Variants in BBX observed in about 807,000 individuals in gnomAD.
The protein encoded by BBX is HMG box transcription factor BBX.
BBX carries 30 observed loss-of-function variants against 100.2 expected under a neutral mutation model. The ratio of observed to expected loss-of-function variants is 0.30; its 90% CI spans 0.22 to 0.41. The LOEUF is 0.41. BBX is among the 10% of genes least tolerant of loss of function. The pLI is 1.00. For missense variants in BBX, 1,023 were observed against 1,129.8 expected (o/e 0.91, Z 1.35); for synonymous variants, 376 against 388.1 (o/e 0.97, Z 0.37).
intron 3 of BBX, among the ~76,000 whole-genome samples, chr3:107,709,490 A>C (rs1047641363): frequency 2.0e-5 from 3 of 152,240 alleles, no homozygotes; most frequent in African/African-American, 7.2e-5. Flanking sequence ...TAATTTTAGC[A>C]ACTGTACTTG....
chr3:107,721,639 G>C (rs1337018641), intron 5 of BBX, among the ~76,000 whole-genome samples: 1 of 151,980 alleles, frequency 6.6e-6, no homozygotes, highest in Non-Finnish European at 1.5e-5. Context: ...GAAATATTCA[G>C]ATGTTTGCTT....
chr3:107,670,977 A>G (rs1371391375), intron 3 of BBX, among the ~76,000 whole-genome samples: 5 of 151,998 alleles, frequency 3.3e-5, no homozygotes, highest in Admixed American at 3.3e-4. Flanking sequence ...TGGCTAGTTG[A>G]GGAATGTCTG....
At chr3:107,750,599 G>A (rs973541276) in intron 9 of BBX, among the ~76,000 whole-genome samples, 8 of 152,012 alleles carry the variant, frequency 5.3e-5, no homozygotes, top group Non-Finnish European at 8.8e-5. Context: ...AACCTCTCTC[G>A]TCACTTTCCT....
rs995039018 is a variant in BBX, at chr3:107,796,844, A to G, written c.2354-1679A>G. ...ATTAATCCACCATTGAGGTAGATCT[A>G]TTTGACCTGGGAATAGATCTGCAAT... On this transcript the variant is annotated intron_variant, in intron 15 of 17. Transcript: ENST00000325805. 6.6e-5 allele frequency among the ~76,000 whole-genome samples: 10 copies of G among 152,172 alleles called. No individual in the cohort carries two copies. The East Asian group carries it at 9.6e-4, about 15-fold the overall frequency.
intron 2 of BBX, among the ~76,000 whole-genome samples, chr3:107,628,279 G>T (rs936847521): frequency 6.6e-6 from 1 of 151,848 alleles, no homozygotes; most frequent in South Asian, 2.1e-4. Context: ...GAGTAGAATT[G>T]CTAATAAGTA....
intron 3 of BBX, among the ~76,000 whole-genome samples, chr3:107,709,036 G>A (rs1276492924): frequency 2.0e-5 from 3 of 152,050 alleles, no homozygotes; most frequent in East Asian, 1.9e-4. Context: ...TCCAGAAATA[G>A]GCTCATATAC....
chr3:107,716,515 GA>G (rs2062118798), intron 4 of BBX, 91 bp from the exon 5 acceptor site: 1 of 1,483,112 alleles, frequency 6.7e-7, no homozygotes, highest in African/African-American at 1.4e-5. Context: ...ATGGAGCTAA[GA>G]AAAAAATACA....
In BBX at chr3:107,732,946, A is replaced by C. The variant is rs767894559; in HGVS notation, c.602-10A>C. ...CTTATAAGTTGGTGATTTGTTTTTG[A>C]CTTATTTAGATCCTACTCAAATGGG... is the stretch of plus-strand genomic sequence containing the variant. On this transcript the variant is annotated splice_polypyrimidine_tract_variant and intron_variant, in intron 6 of 17. Coordinates refer to ENST00000325805, the MANE Select transcript of BBX (RefSeq NM_001142568.3). The C allele has an allele frequency of 9.9e-6, 16 of 1,610,958 alleles. No individual in the cohort carries two copies. The South Asian group carries it at 1.7e-4, about 17-fold the overall frequency.
At chr3:107,681,454 A>G (rs1248781143) in intron 3 of BBX, among the ~76,000 whole-genome samples, 2 of 152,120 alleles carry the variant, frequency 1.3e-5, no homozygotes, top group East Asian at 3.9e-4. Context: ...GAGTGTTTAG[A>G]AATTCGTGGG....
intron 2 of BBX, among the ~76,000 whole-genome samples, chr3:107,623,890 C>T (rs1009227226): frequency 1.3e-4 from 20 of 152,130 alleles, no homozygotes; most frequent in African/African-American, 4.6e-4. Context: ...CCCTATTTTA[C>T]AGACTCTCGT....
chr3:107,721,350 T>C (rs990682561), intron 5 of BBX, among the ~76,000 whole-genome samples: 2 of 151,796 alleles, frequency 1.3e-5, no homozygotes, highest in Non-Finnish European at 2.9e-5. Flanking sequence ...TTTTCCATAG[T>C]TGTTTTGTTT....
rs768329542 is a variant in BBX at position 107,774,673 on chromosome 3, C to T, written c.1916-46C>T. On this transcript the variant is annotated intron_variant, in intron 11 of 17. Transcript: ENST00000325805. ...TGAAGCAACTAACATCATCTCCCCTCGCCCACCTGTATACCAAACACATCC... is the reference window on the plus strand; with the variant it reads ...TGAAGCAACTAACATCATCTCCCCTTGCCCACCTGTATACCAAACACATCC... The T allele has an allele frequency of 1.9e-6, 3 of 1,588,514 alleles. No homozygotes were observed. The African/African-American group carries it at 4.1e-5, about 22-fold the overall frequency.
intron 2 of BBX, among the ~76,000 whole-genome samples, chr3:107,531,236 G>A (rs914708202): frequency 6.6e-6 from 1 of 152,118 alleles, no homozygotes; most frequent in African/African-American, 2.4e-5. Context: ...ACTGAGGAAG[G>A]TCCTCATCAC....
chr3:107,710,689 T>C (rs1173348637), intron 4 of BBX, 67 bp downstream of exon 4: 4 of 1,362,990 alleles, frequency 2.9e-6, no homozygotes, highest in Non-Finnish European at 4.0e-6. Flanking sequence ...GAAACAATAG[T>C]GAACATGAAT....
intron 2 of BBX, among the ~76,000 whole-genome samples, chr3:107,559,218 A>G (rs1451529914): frequency 1.3e-5 from 2 of 152,222 alleles, no homozygotes; most frequent in Non-Finnish European, 2.9e-5. Flanking sequence ...AGTATACTTT[A>G]GAAATATTAA....
chr3:107,701,566 A>G (rs746614771), intron 3 of BBX, among the ~76,000 whole-genome samples: 5 of 152,226 alleles, frequency 3.3e-5, no homozygotes, highest in Non-Finnish European at 5.9e-5. Context: ...TATTAGCTTC[A>G]CCAATTTCAT....
intron 2 of BBX, among the ~76,000 whole-genome samples, chr3:107,546,430 A>AT (rs1166118072): frequency 2.6e-5 from 4 of 152,178 alleles, no homozygotes; most frequent in African/African-American, 9.7e-5. Flanking sequence ...TAAAACCCAG[A>AT]TTTTTTAGAT....
At chr3:107,656,414 T>C (rs773456588) in intron 3 of BBX, among the ~76,000 whole-genome samples, 5 of 152,212 alleles carry the variant, frequency 3.3e-5, no homozygotes, top group Admixed American at 6.5e-5. Context: ...TCTTATTTAG[T>C]GTGTATGTGT....
At chr3:107,750,144 A>C (rs1410402409) in intron 9 of BBX, among the ~76,000 whole-genome samples, 1 of 152,048 alleles carries the variant, frequency 6.6e-6, no homozygotes, top group Non-Finnish European at 1.5e-5. Context: ...TAATTATACT[A>C]AGTTTTCTTC....
Sources: gnomAD v4.1 joint callset for allele counts (sites outside exome capture counted in the v4.1 genomes callset) on GRCh38, gnomAD v4.1.1 for gene constraint, MANE v1.5 for transcripts, NCBI Gene and HGNC (gene_info 2026-07-23, HGNC 2026-07-21) for gene names.